The following SPATA6L variants were observed in gnomAD, a reference collection of about 807,000 sequenced individuals.
The protein encoded by SPATA6L is spermatogenesis associated 6-like protein.
SPATA6L carries 68 observed loss-of-function variants against 49.2 expected under a neutral mutation model. The observed-to-expected ratio is 1.38, with a 90% CI of 1.14 to 1.69. The LOEUF is 1.69. Ranked by LOEUF, SPATA6L falls within the 40% of genes most tolerant of loss-of-function variation. The pLI is 0.00. For synonymous variants in SPATA6L, 198 were observed against 165.7 expected (o/e 1.19, Z -1.50); for missense variants, 668 against 464.3 (o/e 1.44, Z -4.03).
Position 4,666,234 on chromosome 9 carries a change from A to G in SPATA6L, c.17T>C (p.Val6Ala), listed in dbSNP as rs1488162119. MPLEV[V>A]VELQIRAISC... The stretch of plus-strand genomic sequence containing the variant: ...TACCGCCCGGATCTGCAGCTCCACC[A>G]CCACCTCCAGAGGCATCGTTCCCTG... The change falls in exon 1 of 12, where the codon GTG becomes GCG. Residue 6 changes from valine to alanine, a missense_variant. Val to Ala is a moderately conservative substitution (Grantham distance 64). Transcript: ENST00000682582. 6.2e-7 allele frequency: 1 copy of G among 1,614,156 alleles called. No individual in the cohort carries two copies.
At chr9:4,594,377 CT>C (rs952387849), downstream of SPATA6L, among the ~76,000 whole-genome samples, 3 of 151,978 alleles carry the variant, frequency 2.0e-5, no homozygotes, top group Non-Finnish European at 2.9e-5. Flanking sequence ...GCCTGGCTAA[CT>C]TTTTTTGTAT....
chr9:4,624,985 C>A (rs1213270009), intron 6 of SPATA6L, among the ~76,000 whole-genome samples: 1 of 152,044 alleles, frequency 6.6e-6, no homozygotes, highest in Non-Finnish European at 1.5e-5. Flanking sequence ...AGAGTGTGTG[C>A]CAACCTTCAT....
chr9:4,644,660 C>A (rs1834892768), intron 3 of SPATA6L, among the ~76,000 whole-genome samples: 1 of 129,270 alleles, frequency 7.7e-6, no homozygotes, highest in Non-Finnish European at 1.6e-5. Flanking sequence ...TTTCAGTATT[C>A]TCTCTCTCTC....
intron 11 of SPATA6L, among the ~76,000 whole-genome samples, chr9:4,602,136 G>A (rs1362558813): frequency 6.9e-6 from 1 of 144,998 alleles, no homozygotes; most frequent in South Asian, 2.2e-4. Context: ...AGAAAGAATT[G>A]ACGTTTTTTT....
intron 4 of SPATA6L, 93 bp from the exon 5 acceptor site, chr9:4,629,261 C>T (rs1470842761): frequency 3.8e-6 from 3 of 792,912 alleles, no homozygotes. Context: ...AACCTAACTG[C>T]TCTTCTGTGT....
At chr9:4,611,650 G>C (rs1467080848) in intron 9 of SPATA6L, among the ~76,000 whole-genome samples, 4 of 123,208 alleles carry the variant, frequency 3.2e-5, no homozygotes, top group African/African-American at 9.3e-5. Flanking sequence ...GACTGTTGTG[G>C]GGTGGGGGGA....
At chr9:4,653,992 T>C (rs1356411690) in intron 3 of SPATA6L, among the ~76,000 whole-genome samples, 2 of 152,172 alleles carry the variant, frequency 1.3e-5, no homozygotes, top group Non-Finnish European at 2.9e-5. Flanking sequence ...GCAAAGGATC[T>C]GAATAGACAT....
At chr9:4,593,842 GCTCC>G (rs938360058), downstream of SPATA6L, among the ~76,000 whole-genome samples, 1 of 152,038 alleles carries the variant, frequency 6.6e-6, no homozygotes, top group African/African-American at 2.4e-5. Context: ...TCCTCCTGCT[GCTCC>G]CTTACTGTGG....
chr9:4,604,598 C>A (rs1034986299), intron 10 of SPATA6L, among the ~76,000 whole-genome samples: 10 of 152,100 alleles, frequency 6.6e-5, no homozygotes, highest in Middle Eastern at 3.2e-3. Flanking sequence ...GGAATTAAAG[C>A]AAAGCCAATG....
chr9:4,622,517 G>A lies in SPATA6L; in HGVS notation c.670-7C>T. On this transcript the variant is annotated splice_region_variant and splice_polypyrimidine_tract_variant and intron_variant, in intron 6 of 11. Coordinates refer to ENST00000682582, the MANE Select transcript of SPATA6L (RefSeq NM_001353486.2). ...AGGGCTTTGCACTGTCCACCTGAAA[G>A]TAAAGGAAAGAAATAAGACTAGAAT... The A allele has an allele frequency of 6.3e-7, 1 of 1,587,038 alleles. No homozygotes were observed. The highest frequency in any genetic ancestry group is 8.6e-7 in the Non-Finnish European group (1 of 1,159,060).
In SPATA6L at chr9:4,655,889, C is replaced by A. The variant is rs1351943; in HGVS notation, c.226+152G>T. On this transcript the variant is annotated intron_variant, in intron 3 of 11. Coordinates refer to ENST00000682582, the MANE Select transcript of SPATA6L (RefSeq NM_001353486.2). ...TATAGAAAAGGGTATGTAACAGAAT[C>A]AAAAATGTGATTCAAATTTTACGTA... is the stretch of plus-strand genomic sequence containing the variant. The A allele has an allele frequency of 2.8e-5, 18 of 648,998 alleles. No individual in the cohort carries two copies. In the African/African-American group the frequency reaches 3.0e-4, roughly 11 times the overall value. 40.2% of individuals were successfully genotyped at this position (648,998 alleles called of 1,614,324 possible). A position where few individuals can be genotyped will look rare whatever the true frequency, so the allele number is the denominator to read the frequency against.
chr9:4,656,009 T>C (rs1298949227), intron 3 of SPATA6L, 32 bp downstream of exon 3: 6 of 1,564,450 alleles, frequency 3.8e-6, no homozygotes, highest in Admixed American at 1.7e-5. Flanking sequence ...AATAGTCTTT[T>C]GGTTTTTTGT....
chr9:4,651,062 G>C (rs1311524304), intron 3 of SPATA6L, among the ~76,000 whole-genome samples: 3 of 151,958 alleles, frequency 2.0e-5, no homozygotes, highest in Admixed American at 6.6e-5. Context: ...GGGTAGAGTG[G>C]TACGATCACA....
intron 11 of SPATA6L, among the ~76,000 whole-genome samples, chr9:4,601,369 T>A (rs1352382539): frequency 2.1e-4 from 1 of 4,826 alleles, no homozygotes; most frequent in South Asian, 5.9e-3. Flanking sequence ...TTACGGGAGG[T>A]TTTTTTTTTT....
chr9:4,613,294 G>A (rs1034871038), intron 9 of SPATA6L, among the ~76,000 whole-genome samples: 1 of 151,982 alleles, frequency 6.6e-6, no homozygotes, highest in Non-Finnish European at 1.5e-5. Context: ...GTAAACACTG[G>A]AAATGACAGG....
In SPATA6L at chr9:4,662,142, C is replaced by G; in HGVS notation, c.40-106G>C. 1 of 1,495,572 alleles carries G rather than the reference C, an allele frequency of 6.7e-7. No individual in the cohort carries two copies. The highest frequency in any genetic ancestry group is 8.9e-7 in the Non-Finnish European group (1 of 1,121,934). The allele number at this position is 1,495,572 out of a possible 1,614,324, so 92.6% of individuals were successfully genotyped here. Reference sequence around the variant, plus strand: ...AAGCTCCTACAGACACTGACATTTTCCCCATCACCTCACTCCCTCACCTGT... The same window carrying G: ...AAGCTCCTACAGACACTGACATTTTGCCCATCACCTCACTCCCTCACCTGT... On this transcript the variant is annotated intron_variant, in intron 1 of 11. Transcript: ENST00000682582. This position sits in a 1 kb window ranked among gnomAD's most constrained non-coding sequence, Gnocchi z 4.9.
At position 4,663,057 on chromosome 9, in the gene SPATA6L, C is replaced by T; in HGVS notation, c.40-1021G>A. Reference sequence around the variant, plus strand: ...CCTGATGTCGAGGTTCATCCTGAACCACCTGGTGCTGGCCATTCCACTGAG... The same window carrying T: ...CCTGATGTCGAGGTTCATCCTGAACTACCTGGTGCTGGCCATTCCACTGAG... On this transcript the variant is annotated intron_variant, in intron 1 of 11. Transcript: ENST00000682582. 6 of 1,613,970 alleles carry T rather than the reference C, an allele frequency of 3.7e-6. No individual in the cohort carries two copies. Among genetic ancestry groups the T allele is most frequent in the Non-Finnish European group, 5.1e-6 (6 of 1,179,964 alleles).
chr9:4,641,074 A>G (rs1279491032), intron 3 of SPATA6L, among the ~76,000 whole-genome samples: 1 of 152,210 alleles, frequency 6.6e-6, no homozygotes, highest in African/African-American at 2.4e-5. Flanking sequence ...GTGTGTGTAT[A>G]TATGTTGAAA....
At chr9:4,608,445 C>T (rs2130197140) in intron 9 of SPATA6L, among the ~76,000 whole-genome samples, 1 of 98,158 alleles carries the variant, frequency 1.0e-5, no homozygotes, top group South Asian at 3.9e-4. Flanking sequence ...AACAAACTAT[C>T]TCTCAGACCA....
Sources: allele counts gnomAD v4.1 joint callset (sites outside exome capture counted in the v4.1 genomes callset), GRCh38; gene constraint gnomAD v4.1.1; non-coding constraint Gnocchi (gnomAD v3.1); transcripts MANE v1.5; gene names NCBI Gene and HGNC (gene_info 2026-07-23, HGNC 2026-07-21).